The following FNTB variants were observed in gnomAD, a reference collection of about 807,000 sequenced individuals.
FNTB encodes the protein farnesyltransferase, CAAX box, subunit beta.
A neutral mutation model predicts 59.4 loss-of-function variants in FNTB; 27 were observed. The observed-to-expected ratio is 0.45, with a 90% CI of 0.34 to 0.63. FNTB has a LOEUF of 0.63. Among genes scored for constraint, FNTB ranks in the 20% least tolerant of loss-of-function variants. The pLI is 0.02. For missense variants in FNTB, 449 were observed against 559.6 expected, an observed-to-expected ratio of 0.80 and a Z score of 1.99; for synonymous variants, 230 against 220.7, an observed-to-expected ratio of 1.04 and a Z score of -0.37.
chr14:65,021,888 C>T (rs557341374), intron 4 of FNTB: 20 of 454,906 alleles, frequency 4.4e-5, no homozygotes, highest in Middle Eastern at 3.3e-4. Flanking sequence ...TTAAGTGATC[C>T]GCCCACGTCG....
At position 65,027,648 on chromosome 14, in the gene FNTB, G is replaced by C; in HGVS notation, c.521+49G>C. On this transcript the variant is annotated intron_variant, in intron 5 of 11. Coordinates refer to ENST00000246166, the MANE Select transcript of FNTB (RefSeq NM_002028.4). The surrounding 1 kb of genome is among the most constrained non-coding windows in gnomAD (Gnocchi z 5.7). ...AGAAACCTAGAGGAGTTCCCCGCCT[G>C]CTGACACGCACTGACTGTTGCCTCT... The C allele has an allele frequency of 1.2e-6, 2 of 1,614,058 alleles. No individual in the cohort carries two copies. Among genetic ancestry groups the C allele is most frequent in the Non-Finnish European group, 1.7e-6 (2 of 1,179,940 alleles).
At position 65,028,741 on chromosome 14, in the gene FNTB, AC is replaced by A. The variant is rs2062027603; in HGVS notation, c.605+962del. ...AAAAATTAGATTAGGATCTGTGTAT[AC>A]CAGTGAAACCAGTAGAACGACTGAG... On this transcript the variant is annotated intron_variant, in intron 6 of 11. Transcript: ENST00000246166. The surrounding 1 kb of genome is among the most constrained non-coding windows in gnomAD (Gnocchi z 4.4). Among the ~76,000 whole-genome samples the A allele has an allele frequency of 6.6e-6, 1 of 152,254 alleles. No homozygotes were observed. Among genetic ancestry groups the A allele is most frequent in the Non-Finnish European group, 1.5e-5 (1 of 68,034 alleles).
chr14:65,025,971 C>G (rs1312675612), intron 4 of FNTB, among the ~76,000 whole-genome samples: 1 of 152,218 alleles, frequency 6.6e-6, no homozygotes, highest in Admixed American at 6.5e-5. Flanking sequence ...GCAGCGTTTG[C>G]TTTTGCTTTC....
At position 65,027,386 on chromosome 14, in the gene FNTB, G is replaced by A; in HGVS notation, c.375-67G>A. 4 of 1,591,080 alleles carry A rather than the reference G, an allele frequency of 2.5e-6. No individual in the cohort carries two copies. Among genetic ancestry groups the A allele is most frequent in the Non-Finnish European group, 2.6e-6 (3 of 1,167,698 alleles). On this transcript the variant is annotated intron_variant, in intron 4 of 11. Coordinates refer to ENST00000246166, the MANE Select transcript of FNTB (RefSeq NM_002028.4). The surrounding 1 kb of genome is among the most constrained non-coding windows in gnomAD (Gnocchi z 5.7). ...GATCATTGGAAAGGCCTGGAATCTA[G>A]TGGGAATTTGGTGTTTTGACATGAA...
intron 7 of FNTB, among the ~76,000 whole-genome samples, chr14:65,034,818 C>T (rs967110531): frequency 2.6e-5 from 4 of 152,188 alleles, no homozygotes; most frequent in African/African-American, 9.7e-5. Flanking sequence ...CTCCATGAGT[C>T]TTCCTGTGCT....
rs996388187 is a variant in FNTB, at chr14:65,044,223, A to G, written c.823-88A>G. ...GAAGCCACAAGATGGGAAACCCTCC[A>G]TCCCACAGATTGACTCCTGGAGATT... On this transcript the variant is annotated intron_variant, in intron 8 of 11. Transcript: ENST00000246166. The surrounding 1 kb of genome is among the most constrained non-coding windows in gnomAD (Gnocchi z 5.5). 4 of 1,596,968 alleles carry G rather than the reference A, an allele frequency of 2.5e-6. No homozygotes were observed. Among genetic ancestry groups the G allele is most frequent in the Non-Finnish European group, 3.4e-6 (4 of 1,173,840 alleles).
Position 65,007,617 on chromosome 14 carries a change from A to G in FNTB, c.209+3304A>G, listed in dbSNP as rs982808348. On this transcript the variant is annotated intron_variant, in intron 2 of 11. Transcript: ENST00000246166. The surrounding 1 kb of genome is among the most constrained non-coding windows in gnomAD (Gnocchi z 4.9). ...TCTAAGGTTGGGACTGTCTACCTGG[A>G]GTGAGGTAGTCAGTCCCAAGGAGCT... is the stretch of plus-strand genomic sequence containing the variant. Among the ~76,000 whole-genome samples the G allele has an allele frequency of 1.3e-5, 2 of 152,184 alleles. No homozygotes were observed. Among genetic ancestry groups the G allele is most frequent in the Non-Finnish European group, 2.9e-5 (2 of 68,034 alleles).
At chr14:64,995,310 A>G (rs1216676574) in intron 1 of FNTB, among the ~76,000 whole-genome samples, 1 of 152,244 alleles carries the variant, frequency 6.6e-6, no homozygotes, top group African/African-American at 2.4e-5. Flanking sequence ...AAATAAGTAG[A>G]GTTACACTCT....
intron 1 of FNTB, among the ~76,000 whole-genome samples, chr14:64,996,231 G>A (rs1366399828): frequency 6.6e-6 from 1 of 152,120 alleles, no homozygotes; most frequent in East Asian, 1.9e-4. Flanking sequence ...CAGGAGGACT[G>A]CTTGAAGCCA....
intron 3 of FNTB, 148 bp from the exon 4 acceptor site, chr14:65,015,477 A>G (rs1364081201): frequency 2.2e-6 from 1 of 450,220 alleles, no homozygotes; most frequent in Non-Finnish European, 3.8e-6. Flanking sequence ...CACAAAGCAA[A>G]GTGTCCTTTA....
chr14:65,006,020 C>G (rs2061581232), intron 2 of FNTB, among the ~76,000 whole-genome samples: 1 of 152,192 alleles, frequency 6.6e-6, no homozygotes, highest in Non-Finnish European at 1.5e-5. Flanking sequence ...GTCTGAAGTT[C>G]AGCCTTTCCT....
rs2139702787 is a variant in FNTB at position 65,061,429 on chromosome 14, G to T, written c.*117G>T. 2 of 1,447,216 alleles carry T rather than the reference G, an allele frequency of 1.4e-6. No homozygotes were observed. The highest frequency in any genetic ancestry group is 2.8e-5 in the South Asian group (2 of 71,154). The allele number at this position is 1,447,216 out of a possible 1,614,324, so 89.6% of individuals were successfully genotyped here. A position where few individuals can be genotyped will look rare whatever the true frequency, so the allele number is the denominator to read the frequency against. On this transcript the variant is annotated 3_prime_UTR_variant, in exon 12 of 12. Coordinates refer to ENST00000246166, the MANE Select transcript of FNTB (RefSeq NM_002028.4). ...AAGCCTTAGCCTCAGTGGAGCTGTG[G>T]TTCTCTTGGTACTTTCTTGTCAAAC...
At chr14:65,004,943 G>A (rs757818252) in intron 2 of FNTB, among the ~76,000 whole-genome samples, 12 of 152,188 alleles carry the variant, frequency 7.9e-5, no homozygotes, top group Non-Finnish European at 1.6e-4. Flanking sequence ...GATTACAGGC[G>A]TGAGCCACTG....
intron 11 of FNTB, among the ~76,000 whole-genome samples, chr14:65,055,592 C>T (rs917701614): frequency 2.6e-5 from 4 of 152,026 alleles, no homozygotes; most frequent in Non-Finnish European, 5.9e-5. Flanking sequence ...TATTGGCTCA[C>T]TGCAACCTCC....
At chr14:65,061,109 T>A in intron 11 of FNTB, 72 bp from the exon 12 acceptor site, 1 of 1,575,240 alleles carries the variant, frequency 6.3e-7, no homozygotes, top group Non-Finnish European at 8.6e-7. Context: ...GTGCCTTTCA[T>A]GGAGCAAAGG....
intron 1 of FNTB, among the ~76,000 whole-genome samples, chr14:64,996,496 G>A (rs1888402032): frequency 6.6e-6 from 1 of 152,140 alleles, no homozygotes; most frequent in African/African-American, 2.4e-5. Flanking sequence ...TTAAATAATG[G>A]GAGAGCTGGC....
At chr14:65,038,089 A>G (rs1368586316) in intron 7 of FNTB, among the ~76,000 whole-genome samples, 1 of 152,034 alleles carries the variant, frequency 6.6e-6, no homozygotes, top group Non-Finnish European at 1.5e-5. Flanking sequence ...ATGACATCCC[A>G]TTAGTACATT....
chr14:65,028,212 C>A lies in FNTB; in HGVS notation c.605+431C>A, dbSNP rs761672995. 6.6e-6 allele frequency among the ~76,000 whole-genome samples: 1 copy of A among 152,140 alleles called. No homozygotes were observed. The highest frequency in any genetic ancestry group is 2.4e-5 in the African/African-American group (1 of 41,412). ...TCTAATCCCTGAGGTCCTCCTGAGGCACATGAGAGTTTTTCTGGGAGGTGC... is the reference window on the plus strand; with the variant it reads ...TCTAATCCCTGAGGTCCTCCTGAGGAACATGAGAGTTTTTCTGGGAGGTGC... On this transcript the variant is annotated intron_variant, in intron 6 of 11. Transcript: ENST00000246166. This position sits in a 1 kb window ranked among gnomAD's most constrained non-coding sequence, Gnocchi z 4.4.
intron 1 of FNTB, among the ~76,000 whole-genome samples, 199 bp from the exon 2 acceptor site, chr14:65,004,050 A>G (rs1201331240): frequency 2.0e-5 from 3 of 152,170 alleles, no homozygotes; most frequent in African/African-American, 7.2e-5. Context: ...GTCCATTGTG[A>G]TGCCAGCATG....
Sources: gnomAD v4.1 joint callset for allele counts (sites outside exome capture counted in the v4.1 genomes callset) on GRCh38, gnomAD v4.1.1 for gene constraint, Gnocchi (gnomAD v3.1) non-coding constraint, MANE v1.5 for transcripts, NCBI Gene and HGNC (gene_info 2026-07-23, HGNC 2026-07-21) for gene names.